COL4A2: variants seen among roughly 807,000 people sequenced by gnomAD.
COL4A2 encodes the protein collagen type IV alpha 2 chain, also known as collagen alpha-2(IV) chain.
A neutral mutation model predicts 200.2 loss-of-function variants in COL4A2; 99 were observed. The ratio of observed to expected loss-of-function variants is 0.49; its 90% CI spans 0.42 to 0.58. COL4A2 has a LOEUF of 0.58. Among genes scored for constraint, COL4A2 ranks in the 20% least tolerant of loss-of-function variants. The pLI is 0.00. For missense variants in COL4A2, 1,950 were observed against 2,314.1 expected (o/e 0.84, Z 3.23); for synonymous variants, 897 against 900.6 (o/e 1.00, Z 0.07).
chr13:110,472,271 A>G (rs1165800472), intron 28 of COL4A2, among the ~76,000 whole-genome samples: 3 of 151,794 alleles, frequency 2.0e-5, no homozygotes, highest in Admixed American at 6.6e-5. Context: ...ATCCGCCACC[A>G]CACCTGGCTA....
Position 110,482,520 on chromosome 13 carries a change from T to C in COL4A2, c.2763T>C (p.Asp921=). The change falls in exon 32 of 48, where the codon GAT becomes GAC. Residue 921 remains aspartate, a synonymous_variant. Coordinates refer to ENST00000360467, the MANE Select transcript of COL4A2 (RefSeq NM_001846.4). ...CTTTTCTCTTTTCCTCTGAAGGAGA[T>C]AGAGGCTCACCTGGGATGGATGGTT... The part of the protein sequence containing the change: ...GMPGTPGLKG[D]RGSPGMDGFQ... 1 of 1,614,038 alleles carries C rather than the reference T, an allele frequency of 6.2e-7. No homozygotes were observed. The highest frequency in any genetic ancestry group is 1.3e-5 in the African/African-American group (1 of 75,054).
rs367984136 is a variant in COL4A2 at position 110,308,113 on chromosome 13, G to A, written c.89G>A (p.Ser30Asn). 4 of 1,613,670 alleles carry A rather than the reference G, an allele frequency of 2.5e-6. No homozygotes were observed. In the East Asian group the frequency reaches 8.9e-5, roughly 36 times the overall value. The change falls in exon 3 of 48, where the codon AGC becomes AAC. Residue 30 changes from serine (S) to asparagine (N), a missense_variant. Coordinates refer to ENST00000360467, the MANE Select transcript of COL4A2 (RefSeq NM_001846.4). ...GTVTVGFLAQSVLAGVKKFDV... is the reference protein window; with the variant it reads ...GTVTVGFLAQNVLAGVKKFDV... Reference sequence around the variant, plus strand: ...GTGACCGTGGGGTTCCTCGCCCAGAGCGTCTTGGCGGTAAGTCCTGGCTCC... The same window carrying A: ...GTGACCGTGGGGTTCCTCGCCCAGAACGTCTTGGCGGTAAGTCCTGGCTCC...
intron 4 of COL4A2, among the ~76,000 whole-genome samples, chr13:110,418,600 C>T (rs1880134101): frequency 6.6e-6 from 1 of 152,218 alleles, no homozygotes; most frequent in Non-Finnish European, 1.5e-5. Flanking sequence ...ATTAGTGCTA[C>T]AGTCTGCATC....
In COL4A2 at chr13:110,480,435, G is replaced by A. The variant is rs190390896; in HGVS notation, c.2758+45G>A. ...CAGGGATCCCTTGGCGGGGAGGTTG[G>A]GTCTAATCAACTCTGACCTGAGACA... On this transcript the variant is annotated intron_variant, in intron 31 of 47. Transcript: ENST00000360467. The A allele has an allele frequency of 1.5e-3, 2,357 of 1,565,374 alleles. 12 individuals carry two copies. Among genetic ancestry groups the A allele is most frequent in the African/African-American group, 1.0e-2 (738 of 73,854 alleles).
intron 39 of COL4A2, among the ~76,000 whole-genome samples, chr13:110,493,963 C>T (rs1883371106): frequency 6.6e-6 from 1 of 152,158 alleles, no homozygotes; most frequent in African/African-American, 2.4e-5. Flanking sequence ...TCCCAAAGGC[C>T]CCTGCTCCAA....
At chr13:110,495,526 G>A (rs1883428399) in intron 40 of COL4A2, 59 bp downstream of exon 40, 1 of 1,579,884 alleles carries the variant, frequency 6.3e-7, no homozygotes, top group Non-Finnish European at 8.6e-7. Context: ...CCACCCAGAG[G>A]TGGGGCCATG....
intron 32 of COL4A2, among the ~76,000 whole-genome samples, chr13:110,483,330 C>A (rs1882998974): frequency 6.6e-6 from 1 of 152,092 alleles, no homozygotes; most frequent in Non-Finnish European, 1.5e-5. Context: ...AACGCTGCGG[C>A]CAGTGTGCCA....
chr13:110,307,456 C>T lies in COL4A2; in HGVS notation c.-117C>T, dbSNP rs996191480. 16 of 204,650 alleles carry T rather than the reference C, an allele frequency of 7.8e-5. No individual in the cohort carries two copies. Among genetic ancestry groups the T allele is most frequent in the Non-Finnish European group, 1.5e-4 (15 of 103,116 alleles). 12.7% of individuals were successfully genotyped at this position (204,650 alleles called of 1,614,324 possible). On this transcript the variant is annotated 5_prime_UTR_variant, in exon 1 of 48. Transcript: ENST00000360467. This position sits in a 1 kb window ranked among gnomAD's most constrained non-coding sequence, Gnocchi z 5.0. ...GAGCCCAGCAAGGCCGGCCGCCCTG[C>T]CGGTGTGCCGCCGGCGGGTGCTTCT...
At chr13:110,499,855 T>A (rs1417862880) in intron 40 of COL4A2, among the ~76,000 whole-genome samples, 1 of 152,256 alleles carries the variant, frequency 6.6e-6, no homozygotes, top group Non-Finnish European at 1.5e-5. Context: ...CGGATTGCAC[T>A]GGATCATCTA....
At chr13:110,419,254 C>T (rs769400746) in intron 4 of COL4A2, among the ~76,000 whole-genome samples, 2 of 152,156 alleles carry the variant, frequency 1.3e-5, no homozygotes, top group African/African-American at 2.4e-5. Flanking sequence ...ATTCAGATTT[C>T]GGCTGGTAAG....
Position 110,507,653 on chromosome 13 carries a change from T to C in COL4A2, c.4595-282T>C, listed in dbSNP as rs894253036. ...CCACTAAGGTAAGGCTCACCCAAAA[T>C]GCTATTCCATGAAGACGCCACTCCC... On this transcript the variant is annotated intron_variant, in intron 46 of 47. Transcript: ENST00000360467. 3 of 537,306 alleles carry C rather than the reference T, an allele frequency of 5.6e-6. No individual in the cohort carries two copies. The African/African-American group carries it at 5.7e-5, about 10-fold the overall frequency. 33.3% of individuals were successfully genotyped at this position (537,306 alleles called of 1,614,324 possible). A position where few individuals can be genotyped will look rare whatever the true frequency, so the allele number is the denominator to read the frequency against.
In COL4A2 at chr13:110,424,717, C is replaced by A. The variant is rs749537372; in HGVS notation, c.181-17C>A. On this transcript the variant is annotated splice_polypyrimidine_tract_variant and intron_variant, in intron 4 of 47. Coordinates refer to ENST00000360467, the MANE Select transcript of COL4A2 (RefSeq NM_001846.4). The stretch of plus-strand genomic sequence containing the variant: ...TTGTGATTAATCGTGGAAATTGAAC[C>A]TTTGTTGTTCCCACAGGGTCAGCCT... The A allele has an allele frequency of 3.2e-6, 5 of 1,561,590 alleles. No individual in the cohort carries two copies. The Admixed American group carries it at 9.3e-5, about 29-fold the overall frequency.
rs756792244 is a variant in COL4A2 at position 110,436,254 on chromosome 13, C to A, written c.727-15C>A. The stretch of plus-strand genomic sequence containing the variant: ...TTCGATTTAAAGACAACTGCTTTTG[C>A]TTAACAATATGCAGGGTGACGTAGG... On this transcript the variant is annotated splice_polypyrimidine_tract_variant and intron_variant, in intron 12 of 47. Transcript: ENST00000360467. The A allele has an allele frequency of 2.5e-6, 4 of 1,613,504 alleles. No homozygotes were observed. Among genetic ancestry groups the A allele is most frequent in the Non-Finnish European group, 2.5e-6 (3 of 1,179,830 alleles).
chr13:110,490,105 C>A (rs1190127105), intron 36 of COL4A2, among the ~76,000 whole-genome samples: 1 of 152,238 alleles, frequency 6.6e-6, no homozygotes, highest in Non-Finnish European at 1.5e-5. Context: ...ACTCCCGGAA[C>A]ACCTGAGGGC....
chr13:110,433,754 T>C (rs1472651136), intron 11 of COL4A2, among the ~76,000 whole-genome samples: 1 of 152,226 alleles, frequency 6.6e-6, no homozygotes, highest in African/African-American at 2.4e-5. Context: ...GTCATCTTGC[T>C]TTTTCTATGC....
intron 3 of COL4A2, 100 bp from the exon 4 acceptor site, chr13:110,357,372 T>TTA: frequency 6.8e-7 from 1 of 1,481,218 alleles, no homozygotes; most frequent in Non-Finnish European, 9.1e-7. Context: ...AATGAATCGT[T>TTA]TCTAGAGTTG....
intron 24 of COL4A2, 134 bp downstream of exon 24, chr13:110,462,518 C>A: frequency 1.3e-6 from 1 of 758,630 alleles, no homozygotes; most frequent in South Asian, 1.9e-5. Context: ...TCATTCTGCT[C>A]ATTCTATTTC....
At chr13:110,463,904 T>G (rs1263937686) in intron 24 of COL4A2, among the ~76,000 whole-genome samples, 2 of 152,162 alleles carry the variant, frequency 1.3e-5, no homozygotes, top group Admixed American at 6.5e-5. Context: ...ATTGGGTATC[T>G]TAAAAATCTC....
At chr13:110,425,089 C>T (rs1378728089) in intron 6 of COL4A2, 92 bp downstream of exon 6, 7 of 1,502,384 alleles carry the variant, frequency 4.7e-6, no homozygotes, top group Non-Finnish European at 6.4e-6. Flanking sequence ...AATGAGACCT[C>T]CTTTTTTGTT....
Sources: allele counts gnomAD v4.1 joint callset (sites outside exome capture counted in the v4.1 genomes callset), GRCh38; gene constraint gnomAD v4.1.1; non-coding constraint Gnocchi (gnomAD v3.1); transcripts MANE v1.5; gene names NCBI Gene and HGNC (gene_info 2026-07-23, HGNC 2026-07-21).